PCDHGA3: variants seen among roughly 807,000 people sequenced by gnomAD.
PCDHGA3 encodes the protein protocadherin gamma-A3.
A neutral mutation model predicts 58.5 loss-of-function variants in PCDHGA3; 40 were observed. The observed-to-expected ratio is 0.68, with a 90% CI of 0.53 to 0.89. PCDHGA3 has a LOEUF of 0.89. Ranked by LOEUF, PCDHGA3 falls within the 40% of genes least tolerant of loss-of-function variation. The probability of loss-of-function intolerance (pLI) is 0.00; values close to 1 mark genes in which losing one functional copy is unlikely to be tolerated. For missense variants in PCDHGA3, 1,223 were observed against 1,195.9 expected (o/e 1.02, Z -0.33); for synonymous variants, 530 against 525.7 (o/e 1.01, Z -0.11).
chr5:141,417,824 G>A (rs2096165363), intron 1 of PCDHGA3: 4 of 1,518,120 alleles, frequency 2.6e-6, no homozygotes, highest in Non-Finnish European at 3.5e-6. Context: ...TTCTCCAACT[G>A]GAAAAGCGGG....
At chr5:141,498,919 C>A (rs897611505) in intron 2 of PCDHGA3, among the ~76,000 whole-genome samples, 1 of 122,240 alleles carries the variant, frequency 8.2e-6, no homozygotes. Context: ...GGTGACAGAG[C>A]GAGACTCCAT....
intron 1 of PCDHGA3, chr5:141,357,283 G>A (rs1331932822): frequency 6.2e-7 from 1 of 1,613,948 alleles, no homozygotes; most frequent in East Asian, 2.2e-5. Context: ...CTATCTCGTG[G>A]TGGCAGTGGC....
Position 141,344,821 on chromosome 5 carries a change from C to G in PCDHGA3, c.788C>G (p.Thr263Arg). 1 of 1,613,918 alleles carries G rather than the reference C, an allele frequency of 6.2e-7. No individual in the cohort carries two copies. Residue 263 changes from threonine (T) to arginine (R), a missense_variant, in exon 1 of 4, where the codon ACG becomes AGG. Physicochemically the swap from Thr to Arg is moderately conservative, Grantham distance 71. This residue lies in a region of PCDHGA3 where 791 missense variants were observed against 708.5 expected (regional missense o/e 1.12). Coordinates refer to ENST00000253812, the MANE Select transcript of PCDHGA3 (RefSeq NM_018916.4). The stretch of plus-strand genomic sequence containing the variant: ...GTGCCTGTGGGTACCCGGCTGCTCA[C>G]GGTGAATGCCACTGACCCTGACGAG... The part of the protein sequence containing the change: ...ENVPVGTRLL[T>R]VNATDPDEGF...
Position 141,364,375 on chromosome 5 carries a change from G to A in PCDHGA3, c.2424+17918G>A, listed in dbSNP as rs749245484. On this transcript the variant is annotated intron_variant, in intron 1 of 3. Transcript: ENST00000253812. The stretch of plus-strand genomic sequence containing the variant: ...GCTGGGGCTGCGGAGAGCTGCTGCT[G>A]CCCTTCATGCTCCTGGGGACGCTGT... 1.9e-6 allele frequency: 3 copies of A among 1,574,886 alleles called. No individual in the cohort carries two copies. In the East Asian group the frequency reaches 6.7e-5, roughly 35 times the overall value.
intron 1 of PCDHGA3, among the ~76,000 whole-genome samples, chr5:141,426,115 G>A (rs574477590): frequency 4.6e-5 from 7 of 152,364 alleles, no homozygotes; most frequent in South Asian, 2.1e-4. Flanking sequence ...GAAGCAAGTC[G>A]GAGAGTGGCC....
At chr5:141,374,990 A>G in intron 1 of PCDHGA3, 3 of 1,614,046 alleles carry the variant, frequency 1.9e-6, no homozygotes, top group Non-Finnish European at 2.5e-6. Context: ...AGAAATTTCA[A>G]CTTCTGCAAA....
chr5:141,485,274 C>T lies in PCDHGA3; in HGVS notation c.2425-9533C>T. On this transcript the variant is annotated intron_variant, in intron 1 of 3. Transcript: ENST00000253812. The surrounding 1 kb of genome is among the most constrained non-coding windows in gnomAD (Gnocchi z 5.7). Reference sequence around the variant, plus strand: ...TACGTTTGTGGGCAGATCCGCTACCCGGTCCCAGAGGAGTCACAGGAAGGG... The same window carrying T: ...TACGTTTGTGGGCAGATCCGCTACCTGGTCCCAGAGGAGTCACAGGAAGGG... The T allele has an allele frequency of 6.2e-7, 1 of 1,614,106 alleles. No individual in the cohort carries two copies. Among genetic ancestry groups the T allele is most frequent in the South Asian group, 1.1e-5 (1 of 91,086 alleles).
At chr5:141,446,891 C>A (rs1457416718) in intron 1 of PCDHGA3, among the ~76,000 whole-genome samples, 1 of 152,152 alleles carries the variant, frequency 6.6e-6, no homozygotes, top group Non-Finnish European at 1.5e-5. Context: ...GGGTTCATGG[C>A]TGAGCTACTT....
chr5:141,363,996 G>A (rs1467481221), intron 1 of PCDHGA3, among the ~76,000 whole-genome samples: 3 of 152,124 alleles, frequency 2.0e-5, no homozygotes, highest in Admixed American at 1.3e-4. Context: ...CTGAATTAAC[G>A]GTCATAAACA....
Position 141,493,477 on chromosome 5 carries a change from G to A in PCDHGA3, c.2425-1330G>A, listed in dbSNP as rs1657824440. On this transcript the variant is annotated intron_variant, in intron 1 of 3. Transcript: ENST00000253812. This position sits in a 1 kb window ranked among gnomAD's most constrained non-coding sequence, Gnocchi z 4.3. ...TTCCCTTTTAGGACCTTACATGTGG[G>A]GAAAGTCTTCTGTGGCTCCTCATTT... is the stretch of plus-strand genomic sequence containing the variant. Among the ~76,000 whole-genome samples, 3 of 152,124 alleles carry A rather than the reference G, an allele frequency of 2.0e-5. No individual in the cohort carries two copies. The highest frequency in any genetic ancestry group is 6.5e-5 in the Admixed American group (1 of 15,272).
chr5:141,507,578 C>T (rs1268451710), intron 3 of PCDHGA3, among the ~76,000 whole-genome samples: 1 of 152,220 alleles, frequency 6.6e-6, no homozygotes, highest in East Asian at 1.9e-4. Context: ...GAGGAGATGC[C>T]AAGTTGGCCT....
chr5:141,422,175 T>G (rs2096631593), intron 1 of PCDHGA3: 1 of 1,564,276 alleles, frequency 6.4e-7, no homozygotes, highest in Non-Finnish European at 8.6e-7. Context: ...ATAGATTCTA[T>G]GAGATGGAAA....
At chr5:141,372,522 G>A (rs759250494) in intron 1 of PCDHGA3, 17 of 1,613,986 alleles carry the variant, frequency 1.1e-5, no homozygotes, top group Non-Finnish European at 1.4e-5. Context: ...GGTGATTCTG[G>A]CAATCTCCCT....
intron 2 of PCDHGA3, among the ~76,000 whole-genome samples, chr5:141,500,180 TTA>T (rs2099797073): frequency 7.1e-6 from 1 of 140,608 alleles, no homozygotes; most frequent in African/African-American, 2.8e-5. Flanking sequence ...AGCTTCATTT[TTA>T]TTTTTATTTA....
intron 1 of PCDHGA3, among the ~76,000 whole-genome samples, chr5:141,452,267 G>C (rs995249228): frequency 1.3e-5 from 2 of 151,882 alleles, no homozygotes; most frequent in Non-Finnish European, 2.9e-5. Context: ...TCATTTTCTT[G>C]AACCCTTTCT....
In PCDHGA3 at chr5:141,486,157, AG is replaced by A. The variant is rs1562110605; in HGVS notation, c.2425-8649del. 1 of 1,614,208 alleles carries A rather than the reference AG, an allele frequency of 6.2e-7. No homozygotes were observed. Among genetic ancestry groups the A allele is most frequent in the Admixed American group, 1.7e-5 (1 of 60,026 alleles). On this transcript the variant is annotated intron_variant, in intron 1 of 3. Coordinates refer to ENST00000253812, the MANE Select transcript of PCDHGA3 (RefSeq NM_018916.4). This position sits in a 1 kb window ranked among gnomAD's most constrained non-coding sequence, Gnocchi z 5.0. ...TGCGGGCTCGCGATGGGGGTTCTCC[AG>A]CCATGGAGCAACATTGCAGCCTTCG...
intron 3 of PCDHGA3, among the ~76,000 whole-genome samples, chr5:141,506,598 G>A (rs1056005258): frequency 6.6e-6 from 1 of 152,130 alleles, no homozygotes; most frequent in Non-Finnish European, 1.5e-5. Context: ...CAGTATTAAC[G>A]GATCTCATTG....
intron 1 of PCDHGA3, among the ~76,000 whole-genome samples, chr5:141,402,647 A>C (rs2094289901): frequency 6.6e-6 from 1 of 152,250 alleles, no homozygotes; most frequent in Non-Finnish European, 1.5e-5. Flanking sequence ...TCATAATTAG[A>C]AGAGAGTAGT....
At chr5:141,357,269 C>T in intron 1 of PCDHGA3, 1 of 1,613,812 alleles carries the variant, frequency 6.2e-7, no homozygotes, top group Non-Finnish European at 8.5e-7. Flanking sequence ...TCGGGCCTCA[C>T]ACTCTATCTC....
Sources: allele counts gnomAD v4.1 joint callset (sites outside exome capture counted in the v4.1 genomes callset), GRCh38; gene constraint gnomAD v4.1.1; regional missense constraint gnomAD v4.1.1; non-coding constraint Gnocchi (gnomAD v3.1); transcripts MANE v1.5; gene names NCBI Gene and HGNC (gene_info 2026-07-23, HGNC 2026-07-21).